The following LRRC4C variants were observed in gnomAD, a reference collection of about 807,000 sequenced individuals.
LRRC4C encodes the protein leucine-rich repeat-containing protein 4C.
A neutral mutation model predicts 33.6 loss-of-function variants in LRRC4C; 5 were observed. The ratio of observed to expected loss-of-function variants is 0.15; its 90% confidence interval spans 0.08 to 0.31. The LOEUF (loss-of-function observed/expected upper bound fraction) is 0.31. Ranked by LOEUF, LRRC4C falls within the 10% of genes least tolerant of loss-of-function variation. The pLI is 1.00. For synonymous variants in LRRC4C, 329 were observed against 302.0 expected (o/e 1.09, Z -0.93); for missense variants, 560 against 796.7 (o/e 0.70, Z 3.58).
Position 41,149,106 on chromosome 11 carries a change from C to CA in LRRC4C, c.-495-215384dup, listed in dbSNP as rs201071955. 6.1e-3 allele frequency among the ~76,000 whole-genome samples: 932 copies of CA among 151,766 alleles called. 15 individuals carry two copies. The highest frequency in any genetic ancestry group is 0.021 in the African/African-American group (884 of 41,440). ...CAGAATTTATTTTTTCAGAAAAAAA[C>CA]AAAAAAGGATCATTTTTAAACTCAA... On this transcript the variant is annotated intron_variant, in intron 1 of 6. Coordinates refer to ENST00000528697, the MANE Select transcript of LRRC4C (RefSeq NM_001258419.2).
At chr11:40,612,662 G>A (rs772871324) in intron 3 of LRRC4C, among the ~76,000 whole-genome samples, 5 of 151,666 alleles carry the variant, frequency 3.3e-5, no homozygotes, top group Admixed American at 1.3e-4. Context: ...TTAAAGATTC[G>A]TGGTCTGCAT....
chr11:40,504,235 T>G (rs1268189358), intron 3 of LRRC4C, among the ~76,000 whole-genome samples: 1 of 152,138 alleles, frequency 6.6e-6, no homozygotes, highest in Admixed American at 6.6e-5. Context: ...GATAAATGAA[T>G]GAATGTATGA....
At chr11:41,177,611 C>T (rs994228105) in intron 1 of LRRC4C, among the ~76,000 whole-genome samples, 1 of 152,180 alleles carries the variant, frequency 6.6e-6, no homozygotes, top group African/African-American at 2.4e-5. Flanking sequence ...TCAGGGCCTT[C>T]ATTTGGATGA....
At position 40,810,326 on chromosome 11, in the gene LRRC4C, A is replaced by T. The variant is rs907078880; in HGVS notation, c.-407+123309T>A. On this transcript the variant is annotated intron_variant, in intron 2 of 6. Coordinates refer to ENST00000528697, the MANE Select transcript of LRRC4C (RefSeq NM_001258419.2). The stretch of plus-strand genomic sequence containing the variant: ...TCAGCTATTTCACCAGCAATATCTC[A>T]GTTGCCTTGGTTATCTCCTTCTCTG... Among the ~76,000 whole-genome samples, 3 of 152,148 alleles carry T rather than the reference A, an allele frequency of 2.0e-5. No homozygotes were observed. The South Asian group carries it at 6.2e-4, about 32-fold the overall frequency.
At chr11:41,457,826 G>C (rs1019453885) in intron 1 of LRRC4C, among the ~76,000 whole-genome samples, 63 of 152,146 alleles carry the variant, frequency 4.1e-4, no homozygotes, top group African/African-American at 1.4e-3. Context: ...TGGAGGAGGG[G>C]CAGCTTCTCA....
At chr11:41,377,182 C>T (rs1952967559) in intron 1 of LRRC4C, among the ~76,000 whole-genome samples, 1 of 152,158 alleles carries the variant, frequency 6.6e-6, no homozygotes, top group Non-Finnish European at 1.5e-5. Context: ...ATTGTCCTCC[C>T]TTTAAATTAT....
At chr11:41,370,303 C>T (rs1952697852) in intron 1 of LRRC4C, among the ~76,000 whole-genome samples, 1 of 152,166 alleles carries the variant, frequency 6.6e-6, no homozygotes, top group Non-Finnish European at 1.5e-5. Flanking sequence ...CCCACCTCAG[C>T]CTACTGAGTA....
chr11:40,523,323 T>C (rs950636301), intron 3 of LRRC4C, among the ~76,000 whole-genome samples: 5 of 152,004 alleles, frequency 3.3e-5, no homozygotes, highest in African/African-American at 1.2e-4. Context: ...GTAATGTATA[T>C]ATTTTCTTTG....
At chr11:40,963,396 A>C (rs910487885) in intron 1 of LRRC4C, among the ~76,000 whole-genome samples, 2 of 151,740 alleles carry the variant, frequency 1.3e-5, no homozygotes, top group Non-Finnish European at 3.0e-5. Context: ...ATGGTATATA[A>C]ATCAACATGG....
chr11:41,019,776 G>A (rs1855831216), intron 1 of LRRC4C, among the ~76,000 whole-genome samples: 1 of 152,066 alleles, frequency 6.6e-6, no homozygotes, highest in Non-Finnish European at 1.5e-5. Context: ...AATCAGTGAT[G>A]CTGAGCTTTT....
intron 2 of LRRC4C, among the ~76,000 whole-genome samples, chr11:40,650,945 T>C (rs773728533): frequency 6.6e-6 from 1 of 152,160 alleles, no homozygotes; most frequent in Non-Finnish European, 1.5e-5. Flanking sequence ...GAAACATCCC[T>C]AAACTGCACA....
chr11:40,738,338 T>C (rs1368619773), intron 2 of LRRC4C, among the ~76,000 whole-genome samples: 2 of 152,124 alleles, frequency 1.3e-5, no homozygotes, highest in Non-Finnish European at 2.9e-5. Flanking sequence ...TGGCCTTTTG[T>C]GGGACTTCCC....
intron 2 of LRRC4C, among the ~76,000 whole-genome samples, chr11:40,695,086 A>G (rs986544051): frequency 6.6e-6 from 1 of 152,150 alleles, no homozygotes; most frequent in Non-Finnish European, 1.5e-5. Flanking sequence ...TCCCCATTTG[A>G]ATAACTGATG....
chr11:41,399,608 T>C (rs1395865335), intron 1 of LRRC4C, among the ~76,000 whole-genome samples: 1 of 151,970 alleles, frequency 6.6e-6, no homozygotes, highest in Non-Finnish European at 1.5e-5. Context: ...GGAGAAACTA[T>C]TAATCCTTTG....
chr11:40,369,083 T>C (rs1948338110), intron 3 of LRRC4C, among the ~76,000 whole-genome samples: 1 of 152,318 alleles, frequency 6.6e-6, no homozygotes, highest in African/African-American at 2.4e-5. Context: ...GTTCACTCAA[T>C]GTTTATCTAT....
chr11:40,776,637 G>C (rs1382308121), intron 2 of LRRC4C, among the ~76,000 whole-genome samples: 1 of 151,700 alleles, frequency 6.6e-6, no homozygotes, highest in African/African-American at 2.4e-5. Flanking sequence ...TGTCAATCTA[G>C]CTAGTCATCT....
chr11:40,610,018 G>T (rs937048824), intron 3 of LRRC4C, among the ~76,000 whole-genome samples: 6 of 151,880 alleles, frequency 4.0e-5, no homozygotes, highest in Non-Finnish European at 8.8e-5. Context: ...TCGAAAAAGA[G>T]GCAACAGTTC....
intron 1 of LRRC4C, among the ~76,000 whole-genome samples, chr11:41,403,411 T>C (rs1954099382): frequency 6.6e-6 from 1 of 152,082 alleles, no homozygotes. Flanking sequence ...TAGACATATA[T>C]GTTTATTTTT....
At chr11:41,406,168 C>A (rs1479498433) in intron 1 of LRRC4C, among the ~76,000 whole-genome samples, 1 of 151,980 alleles carries the variant, frequency 6.6e-6, no homozygotes, top group Non-Finnish European at 1.5e-5. Context: ...TGAGGATATC[C>A]TGATAAATGT....
Sources: gnomAD v4.1 joint callset for allele counts (sites outside exome capture counted in the v4.1 genomes callset) on GRCh38, gnomAD v4.1.1 for gene constraint, MANE v1.5 for transcripts, NCBI Gene and HGNC (gene_info 2026-07-23, HGNC 2026-07-21) for gene names.